STAG1: variants seen among roughly 807,000 people sequenced by gnomAD.
The protein encoded by STAG1 is cohesin subunit SA-1.
In STAG1, 26 loss-of-function variants were observed where a neutral mutation model predicts 170.9. The ratio of observed to expected loss-of-function variants is 0.15; its 90% CI spans 0.11 to 0.21. STAG1 has a LOEUF of 0.21. Ranked by LOEUF, STAG1 falls within the 10% of genes least tolerant of loss-of-function variation. The pLI, the probability that STAG1 is intolerant of heterozygous loss-of-function variation, is 1.00. For missense variants in STAG1, 964 were observed against 1,509.5 expected (o/e 0.64, Z 5.99); for synonymous variants, 514 against 497.7 (o/e 1.03, Z -0.44).
At chr3:136,342,022 A>ATT (rs111279005) in intron 30 of STAG1, among the ~76,000 whole-genome samples, 3 of 145,764 alleles carry the variant, frequency 2.1e-5, no homozygotes, top group Admixed American at 1.4e-4. Context: ...CCTCTAAGGA[A>ATT]TTTTTTTTTT....
chr3:136,379,906 G>T (rs1263733225), intron 22 of STAG1, among the ~76,000 whole-genome samples: 1 of 152,080 alleles, frequency 6.6e-6, no homozygotes, highest in East Asian at 1.9e-4. Context: ...TACTGAAGAA[G>T]GATTTTTAGC....
At chr3:136,471,985 G>A (rs1481049163) in intron 12 of STAG1, among the ~76,000 whole-genome samples, 3 of 152,092 alleles carry the variant, frequency 2.0e-5, no homozygotes, top group Non-Finnish European at 2.9e-5. Context: ...CAACAGGCAT[G>A]TGCCACCATG....
chr3:136,513,723 G>A (rs749067320), intron 7 of STAG1, among the ~76,000 whole-genome samples: 5 of 152,174 alleles, frequency 3.3e-5, no homozygotes, highest in South Asian at 2.1e-4. Flanking sequence ...TTTCAGGCAC[G>A]TAAAGTCTCA....
Position 136,336,745 on chromosome 3 carries a change from T to C in STAG1, c.*1509A>G, listed in dbSNP as rs1342872444. 6.6e-6 allele frequency: 1 copy of C among 152,188 alleles called. No homozygotes were observed. Among genetic ancestry groups the C allele is most frequent in the Non-Finnish European group, 1.5e-5 (1 of 68,050 alleles). 9.4% of individuals were successfully genotyped at this position (152,188 alleles called of 1,614,324 possible). ...AATGTTGAGAAAAATGTTTTGTGTC[T>C]TTACTAAAAGGATGAATAAAATCAT... On this transcript the variant is annotated 3_prime_UTR_variant, in exon 34 of 34. Coordinates refer to ENST00000383202, the MANE Select transcript of STAG1 (RefSeq NM_005862.3).
chr3:136,649,310 C>T (rs1269194082), intron 1 of STAG1, among the ~76,000 whole-genome samples: 3 of 151,878 alleles, frequency 2.0e-5, no homozygotes, highest in African/African-American at 7.3e-5. Flanking sequence ...AAAACCCCAT[C>T]TCTACTAAAA....
At chr3:136,439,389 G>GACACACACACACAC (rs753912835) in intron 15 of STAG1, among the ~76,000 whole-genome samples, 73 of 95,866 alleles carry the variant, frequency 7.6e-4, no homozygotes, top group African/African-American at 2.0e-3. Context: ...AACACCCCCC[G>GACACACACACACAC]ACACACACAC....
intron 29 of STAG1, 118 bp from the exon 30 acceptor site, chr3:136,344,124 A>T (rs1446986099): frequency 1.5e-6 from 1 of 653,622 alleles, no homozygotes; most frequent in Non-Finnish European, 2.4e-6. Context: ...TTTAAATCTC[A>T]GTTCCACCAC....
At chr3:136,511,220 G>A (rs1934048293) in intron 7 of STAG1, among the ~76,000 whole-genome samples, 1 of 152,186 alleles carries the variant, frequency 6.6e-6, no homozygotes, top group Admixed American at 6.5e-5. Context: ...GCAGAACTGT[G>A]TGTCAATTAA....
At chr3:136,678,463 C>A (rs2107883782) in intron 1 of STAG1, among the ~76,000 whole-genome samples, 2 of 140,340 alleles carry the variant, frequency 1.4e-5, no homozygotes, top group African/African-American at 2.6e-5. Context: ...AATCTCCAAG[C>A]AGAAAAAAGT....
At position 136,706,750 on chromosome 3, in the gene STAG1, A is replaced by C. The variant is rs140239349; in HGVS notation, c.-84+45445T>G. Among the ~76,000 whole-genome samples, 1,208 of 152,324 alleles carry C rather than the reference A, an allele frequency of 7.9e-3. 6 individuals carry two copies. The highest frequency in any genetic ancestry group is 0.013 in the Non-Finnish European group (904 of 68,028). ...TACAGAATTGCAAGGGGTCCCAAAC[A>C]GTCAAAATAATATTGAAAAAGCACA... On this transcript the variant is annotated intron_variant, in intron 1 of 33. Coordinates refer to ENST00000383202, the MANE Select transcript of STAG1 (RefSeq NM_005862.3).
chr3:136,535,288 T>G (rs1935562698), intron 6 of STAG1, among the ~76,000 whole-genome samples: 1 of 152,188 alleles, frequency 6.6e-6, no homozygotes, highest in Non-Finnish European at 1.5e-5. Flanking sequence ...AACTTACAGT[T>G]AGATAGAAGA....
At chr3:136,531,289 G>A (rs1181793152) in intron 6 of STAG1, among the ~76,000 whole-genome samples, 1 of 149,444 alleles carries the variant, frequency 6.7e-6, no homozygotes, top group Admixed American at 6.7e-5. Context: ...TGGAGAAATA[G>A]GAACACTTTT....
At chr3:136,582,758 C>G (rs1937618374) in intron 4 of STAG1, among the ~76,000 whole-genome samples, 1 of 152,142 alleles carries the variant, frequency 6.6e-6, no homozygotes. Flanking sequence ...GAGATCAAGC[C>G]ACTGTACTCC....
chr3:136,577,956 T>A (rs1224950034), intron 4 of STAG1, among the ~76,000 whole-genome samples: 3 of 152,174 alleles, frequency 2.0e-5, no homozygotes, highest in Non-Finnish European at 4.4e-5. Context: ...ACAGCTGAGA[T>A]ACCAGAGCCT....
In STAG1 at chr3:136,650,738, T is replaced by C. The variant is rs1011840975; in HGVS notation, c.-83-19757A>G. On this transcript the variant is annotated intron_variant, in intron 1 of 33. Coordinates refer to ENST00000383202, the MANE Select transcript of STAG1 (RefSeq NM_005862.3). ...AAGGCAAACAAGTATAAAGCTCTTA[T>C]GATAGTACTGTGAGGAGATATTATG... Among the ~76,000 whole-genome samples, 2 of 152,098 alleles carry C rather than the reference T, an allele frequency of 1.3e-5. 1 individual carries two copies. Among genetic ancestry groups the C allele is most frequent in the South Asian group, 4.1e-4 (2 of 4,828 alleles).
chr3:136,477,234 T>C, intron 10 of STAG1, 55 bp downstream of exon 10: 7 of 1,533,082 alleles, frequency 4.6e-6, no homozygotes, highest in Non-Finnish European at 6.1e-6. Context: ...ATTCCCAGCA[T>C]TTTAGTACTG....
chr3:136,472,305 A>C, intron 12 of STAG1, 108 bp downstream of exon 12: 1 of 585,978 alleles, frequency 1.7e-6, no homozygotes, highest in Admixed American at 3.5e-5. Context: ...GTTGAACCTA[A>C]AATGATAAAC....
At chr3:136,356,745 TTTTTA>T (rs201240364) in intron 28 of STAG1, among the ~76,000 whole-genome samples, 13 of 151,578 alleles carry the variant, frequency 8.6e-5, no homozygotes, top group South Asian at 4.2e-4. Context: ...TCTAAAAAAG[TTTTTA>T]TTTTATTTTA....
chr3:136,352,750 A>T (rs1461106958), intron 28 of STAG1, among the ~76,000 whole-genome samples: 1 of 152,208 alleles, frequency 6.6e-6, no homozygotes, highest in Non-Finnish European at 1.5e-5. Flanking sequence ...TTTCATTATA[A>T]AATAGGCTTT....
Sources: allele counts gnomAD v4.1 joint callset (sites outside exome capture counted in the v4.1 genomes callset), GRCh38; gene constraint gnomAD v4.1.1; transcripts MANE v1.5; gene names NCBI Gene and HGNC (gene_info 2026-07-23, HGNC 2026-07-21).